The following CHL1 variants were observed in gnomAD, a reference collection of about 807,000 sequenced individuals.
CHL1 encodes neural cell adhesion molecule L1-like protein.
Under a neutral mutation model 141.9 loss-of-function variants are expected in CHL1, and 96 were observed. The observed-to-expected ratio is 0.68, with a 90% CI of 0.57 to 0.80. The LOEUF (loss-of-function observed/expected upper bound fraction) is 0.80, where lower values mean the gene tolerates loss of function less well. Among genes scored for constraint, CHL1 ranks in the 30% least tolerant of loss-of-function variants. The probability of loss-of-function intolerance (pLI) is 0.00; values close to 1 mark genes in which losing one functional copy is unlikely to be tolerated. For synonymous variants in CHL1, 613 were observed against 502.2 expected (o/e 1.22, Z -2.95); for missense variants, 1,820 against 1,457.2 (o/e 1.25, Z -4.05).
In CHL1 at chr3:408,450, A is replaced by G. The variant is rs1299496439; in HGVS notation, c.*2739A>G. On this transcript the variant is annotated 3_prime_UTR_variant, in exon 28 of 28. Coordinates refer to ENST00000256509, the MANE Select transcript of CHL1 (RefSeq NM_006614.4). ...AGGTTGCTTAACCTTTTTATTTCAA[A>G]CTCTCTCAACTCTAAAGTGCTAATA... 2.6e-5 allele frequency: 4 copies of G among 151,582 alleles called. No homozygotes were observed. The highest frequency in any genetic ancestry group is 5.9e-5 in the Non-Finnish European group (4 of 67,896). The allele number at this position is 151,582 out of a possible 1,614,324, so 9.4% of individuals were successfully genotyped here. A position where few individuals can be genotyped will look rare whatever the true frequency, so the allele number is the denominator to read the frequency against.
At chr3:377,006 A>G (rs986215115) in intron 15 of CHL1, among the ~76,000 whole-genome samples, 13 of 152,240 alleles carry the variant, frequency 8.5e-5, no homozygotes, top group Non-Finnish European at 1.3e-4. Flanking sequence ...TAATTATGTG[A>G]GCCTCCTTTC....
intron 2 of CHL1, among the ~76,000 whole-genome samples, chr3:309,867 C>T (rs538065749): frequency 6.6e-6 from 1 of 152,140 alleles, no homozygotes; most frequent in African/African-American, 2.4e-5. Flanking sequence ...AAGTTGTAAT[C>T]AAACATTATA....
At chr3:370,453 C>A (rs1334111348) in intron 15 of CHL1, among the ~76,000 whole-genome samples, 1 of 151,406 alleles carries the variant, frequency 6.6e-6, no homozygotes, top group African/African-American at 2.4e-5. Context: ...TCCCCTTTAT[C>A]ATTTTTTATT....
rs1339114206 is a variant in CHL1 at position 322,646 on chromosome 3, A to ATATATATATATATATATATATATAAT, written c.91+2796_91+2821dup. 1.4e-3 allele frequency among the ~76,000 whole-genome samples: 37 copies of ATATATATATATATATATATATATAAT among 27,234 alleles called. No individual in the cohort carries two copies. In the African/African-American group the frequency reaches 0.014, roughly 10 times the overall value. 17.9% of individuals were successfully genotyped at this position (27,234 alleles called of 152,430 possible). A position where few individuals can be genotyped will look rare whatever the true frequency, so the allele number is the denominator to read the frequency against. On this transcript the variant is annotated intron_variant, in intron 3 of 27. Coordinates refer to ENST00000256509, the MANE Select transcript of CHL1 (RefSeq NM_006614.4). ...TCTCTAAATTATATATATATATAAA[A>ATATATATATATATATATATATATAAT]TATATATATATATATATATATATAA...
At position 383,884 on chromosome 3, in the gene CHL1, G is replaced by T; in HGVS notation, c.2245G>T (p.Glu749Ter). Residue 749 changes from glutamate to a stop codon, truncating the protein, a stop_gained and splice_region_variant, in exon 19 of 28, where the codon GAG becomes TAG. Coordinates refer to ENST00000256509, the MANE Select transcript of CHL1 (RefSeq NM_006614.4). LOFTEE classifies it high-confidence loss of function. Reference sequence around the variant, plus strand: ...ACCCAAGGAAATGATTATAAAGTGGGAGGTGTGTATTTCTTAATACGTTAT... The same window carrying T: ...ACCCAAGGAAATGATTATAAAGTGGTAGGTGTGTATTTCTTAATACGTTAT... ...SQPKEMIIKW[E>*]PLKSMEQNGP... 1 of 1,604,804 alleles carries T rather than the reference G, an allele frequency of 6.2e-7. No homozygotes were observed. The highest frequency in any genetic ancestry group is 8.5e-7 in the Non-Finnish European group (1 of 1,173,002).
intron 2 of CHL1, among the ~76,000 whole-genome samples, chr3:287,157 A>C (rs1226787284): frequency 6.6e-6 from 1 of 152,064 alleles, no homozygotes; most frequent in African/African-American, 2.4e-5. Flanking sequence ...TGACATTTTC[A>C]TTTATACTTT....
At chr3:322,534 G>T (rs1049480895) in intron 3 of CHL1, among the ~76,000 whole-genome samples, 1 of 150,294 alleles carries the variant, frequency 6.7e-6, no homozygotes, top group African/African-American at 2.4e-5. Flanking sequence ...AGGGCTGGGC[G>T]TGGTGTCTCA....
chr3:400,481 GA>G (rs10711916), intron 26 of CHL1, among the ~76,000 whole-genome samples: 140,024 of 150,904 alleles, frequency 0.93, 65,512 homozygotes, highest in East Asian at 1. Context: ...GCCCTAAAAA[GA>G]AAAAAAAAAT....
At chr3:247,340 C>T (rs916418772) in intron 2 of CHL1, 2 of 151,928 alleles carry the variant, frequency 1.3e-5, no homozygotes, top group African/African-American at 4.8e-5. Context: ...ACCAATCTTG[C>T]CTCTGTCTCC....
chr3:299,032 T>C (rs1036602192), intron 2 of CHL1, among the ~76,000 whole-genome samples: 12 of 152,172 alleles, frequency 7.9e-5, no homozygotes, highest in Admixed American at 5.9e-4. Flanking sequence ...ACAATGGAAT[T>C]TGTACAAGTT....
chr3:340,104 C>G (rs971215766), intron 5 of CHL1, among the ~76,000 whole-genome samples: 3 of 152,082 alleles, frequency 2.0e-5, no homozygotes, highest in African/African-American at 7.2e-5. Context: ...GACTTATATT[C>G]TGATTATAAC....
intron 1 of CHL1, among the ~76,000 whole-genome samples, chr3:203,344 T>C (rs1357510612): frequency 6.6e-6 from 1 of 152,244 alleles, no homozygotes; most frequent in Non-Finnish European, 1.5e-5. Flanking sequence ...ATTGATGTTC[T>C]CACAGTATTG....
At chr3:382,335 C>T (rs1368984050) in intron 17 of CHL1, 55 bp downstream of exon 17, 5 of 1,522,894 alleles carry the variant, frequency 3.3e-6, no homozygotes, top group African/African-American at 1.4e-5. Context: ...AAATTAATAG[C>T]GAAGTCACTT....
intron 3 of CHL1, among the ~76,000 whole-genome samples, chr3:325,106 A>C (rs962782579): frequency 1.3e-5 from 2 of 151,974 alleles, no homozygotes; most frequent in Non-Finnish European, 2.9e-5. Flanking sequence ...TATAAAATGA[A>C]AACATAAATG....
chr3:200,399 G>A (rs1698808629), intron 1 of CHL1, among the ~76,000 whole-genome samples: 1 of 152,138 alleles, frequency 6.6e-6, no homozygotes, highest in Non-Finnish European at 1.5e-5. Context: ...ACTTGTCTCT[G>A]TACTGAGGTT....
At chr3:242,102 T>C (rs1692630582) in intron 1 of CHL1, among the ~76,000 whole-genome samples, 1 of 152,196 alleles carries the variant, frequency 6.6e-6, no homozygotes, top group Non-Finnish European at 1.5e-5. Context: ...ACTAGTATGC[T>C]AAAATTTATC....
chr3:199,226 A>C (rs557677769), intron 1 of CHL1, among the ~76,000 whole-genome samples: 42 of 152,338 alleles, frequency 2.8e-4, no homozygotes, highest in African/African-American at 9.9e-4. Flanking sequence ...AAGCTCCTGA[A>C]TATTGTGAGC....
At chr3:371,777 G>A (rs111369103) in intron 15 of CHL1, among the ~76,000 whole-genome samples, 27 of 151,864 alleles carry the variant, frequency 1.8e-4, no homozygotes, top group South Asian at 8.3e-4. Flanking sequence ...GCTTTTTTTC[G>A]GGAGATCTTG....
chr3:342,659 A>G (rs747258427), intron 7 of CHL1, among the ~76,000 whole-genome samples: 10 of 152,154 alleles, frequency 6.6e-5, no homozygotes, highest in Non-Finnish European at 1.2e-4. Context: ...AGTTGGCATT[A>G]CCATTTCATT....
Sources: allele counts gnomAD v4.1 joint callset (sites outside exome capture counted in the v4.1 genomes callset), GRCh38; gene constraint gnomAD v4.1.1; transcripts MANE v1.5; gene names NCBI Gene and HGNC (gene_info 2026-07-23, HGNC 2026-07-21).